Variants in LPAR1 observed in about 807,000 individuals in gnomAD.
LPAR1 encodes LPA receptor 1.
Under a neutral mutation model 23.8 loss-of-function variants are expected in LPAR1, and 5 were observed. The ratio of observed to expected loss-of-function variants is 0.21; its 90% CI spans 0.11 to 0.44. The LOEUF (loss-of-function observed/expected upper bound fraction) is 0.44. Among genes scored for constraint, LPAR1 ranks in the 20% least tolerant of loss-of-function variants. LPAR1 has a pLI of 0.99. For synonymous variants in LPAR1, 160 were observed against 164.7 expected (o/e 0.97, Z 0.22); for missense variants, 311 against 482.8 (o/e 0.64, Z 3.33).
intron 2 of LPAR1, among the ~76,000 whole-genome samples, chr9:111,024,804 G>A (rs1006423635): frequency 4.0e-5 from 6 of 151,754 alleles, no homozygotes; most frequent in African/African-American, 1.5e-4. Context: ...TGCAGTGTTA[G>A]GTTTTCTGTT....
chr9:111,006,848 A>T (rs2097226947), intron 2 of LPAR1, among the ~76,000 whole-genome samples: 1 of 152,094 alleles, frequency 6.6e-6, no homozygotes, highest in African/African-American at 2.4e-5. Flanking sequence ...AATAGTTTGG[A>T]TATTTGTCTC....
At chr9:110,966,794 G>A (rs939831104) in intron 4 of LPAR1, among the ~76,000 whole-genome samples, 2 of 152,032 alleles carry the variant, frequency 1.3e-5, no homozygotes, top group African/African-American at 4.8e-5. Flanking sequence ...TACCTATTCT[G>A]GCCTCTAATA....
chr9:111,011,736 A>G (rs557434443), intron 2 of LPAR1, among the ~76,000 whole-genome samples: 1 of 152,208 alleles, frequency 6.6e-6, no homozygotes, highest in Non-Finnish European at 1.5e-5. Flanking sequence ...TGACCAGTCC[A>G]GAATATGATG....
chr9:111,030,424 A>C (rs1024765613), intron 2 of LPAR1, among the ~76,000 whole-genome samples: 3 of 152,196 alleles, frequency 2.0e-5, no homozygotes, highest in Non-Finnish European at 4.4e-5. Flanking sequence ...CATCCTTATC[A>C]TCTGCTGATT....
intron 5 of LPAR1, among the ~76,000 whole-genome samples, chr9:110,929,787 T>C (rs2094284025): frequency 1.3e-5 from 2 of 151,894 alleles, no homozygotes; most frequent in African/African-American, 4.8e-5. Flanking sequence ...TAAATTTTAA[T>C]TTCAAATAAA....
chr9:111,037,461 A>G (rs886490180), intron 1 of LPAR1, among the ~76,000 whole-genome samples: 2 of 152,228 alleles, frequency 1.3e-5, no homozygotes, highest in Non-Finnish European at 2.9e-5. Context: ...AAAAACAAGA[A>G]TAAACTTTAA....
intron 2 of LPAR1, among the ~76,000 whole-genome samples, chr9:111,025,370 T>C (rs559782547): frequency 1.2e-4 from 19 of 152,358 alleles, no homozygotes; most frequent in African/African-American, 4.6e-4. Context: ...TCTGTTCATA[T>C]CCTTCGCCCA....
intron 2 of LPAR1, among the ~76,000 whole-genome samples, chr9:110,989,720 T>C (rs2096860143): frequency 6.6e-6 from 1 of 152,024 alleles, no homozygotes; most frequent in Admixed American, 6.5e-5. Flanking sequence ...AGATGATAGA[T>C]TTAAACATAA....
At chr9:110,970,587 G>A (rs776597432) in intron 4 of LPAR1, among the ~76,000 whole-genome samples, 12 of 151,878 alleles carry the variant, frequency 7.9e-5, no homozygotes, top group Non-Finnish European at 1.5e-4. Flanking sequence ...TCCCAAGGTT[G>A]ATAACAATGA....
intron 5 of LPAR1, among the ~76,000 whole-genome samples, chr9:110,935,001 G>A (rs555003708): frequency 6.6e-5 from 10 of 152,272 alleles, no homozygotes; most frequent in South Asian, 2.1e-4. Flanking sequence ...ATGTACAAGC[G>A]ATTCAGTTTC....
At chr9:111,012,033 T>C (rs1327613320) in intron 2 of LPAR1, among the ~76,000 whole-genome samples, 1 of 152,176 alleles carries the variant, frequency 6.6e-6, no homozygotes, top group African/African-American at 2.4e-5. Flanking sequence ...AAAGATCACT[T>C]GAGCCCAGGT....
intron 5 of LPAR1, among the ~76,000 whole-genome samples, chr9:110,901,482 G>A (rs1408126626): frequency 1.3e-5 from 2 of 152,166 alleles, no homozygotes; most frequent in Admixed American, 6.5e-5. Flanking sequence ...TAGTTAGGGA[G>A]GCCTCACAAC....
At chr9:111,005,643 C>A (rs962211933) in intron 2 of LPAR1, among the ~76,000 whole-genome samples, 9 of 151,580 alleles carry the variant, frequency 5.9e-5, no homozygotes, top group Admixed American at 1.3e-4. Context: ...CTCCCCTGAT[C>A]CAGCCTCTGC....
At chr9:110,998,132 A>G (rs2097055195) in intron 2 of LPAR1, among the ~76,000 whole-genome samples, 1 of 152,194 alleles carries the variant, frequency 6.6e-6, no homozygotes, top group Admixed American at 6.5e-5. Context: ...ATGGGGCCAC[A>G]CTTTAAGAAC....
At chr9:110,958,250 A>G (rs1312597640) in intron 4 of LPAR1, among the ~76,000 whole-genome samples, 2 of 152,196 alleles carry the variant, frequency 1.3e-5, no homozygotes, top group Non-Finnish European at 2.9e-5. Context: ...TACAGAACCA[A>G]AAACAAGCCT....
At chr9:110,902,126 CA>C (rs2089366294) in intron 5 of LPAR1, among the ~76,000 whole-genome samples, 1 of 151,974 alleles carries the variant, frequency 6.6e-6, no homozygotes, top group Non-Finnish European at 1.5e-5. Flanking sequence ...GAAGGTCACC[CA>C]AGCCCAGTGT....
chr9:110,970,432 T>C (rs1399941187), intron 4 of LPAR1, among the ~76,000 whole-genome samples: 1 of 152,162 alleles, frequency 6.6e-6, no homozygotes, highest in East Asian at 1.9e-4. Flanking sequence ...AATGAAGTGT[T>C]GAAAGGACAA....
At chr9:110,880,248 G>A (rs146624388) in intron 5 of LPAR1, among the ~76,000 whole-genome samples, 1 of 152,164 alleles carries the variant, frequency 6.6e-6, no homozygotes, top group Non-Finnish European at 1.5e-5. Flanking sequence ...TGCCCACAAA[G>A]ATGGAGGGAG....
chr9:110,991,284 G>C (rs921235318), intron 2 of LPAR1, among the ~76,000 whole-genome samples: 1 of 152,162 alleles, frequency 6.6e-6, no homozygotes, highest in Non-Finnish European at 1.5e-5. Flanking sequence ...CTGTGACAAC[G>C]TGTAGCTCTC....
Sources: allele counts gnomAD v4.1 joint callset (sites outside exome capture counted in the v4.1 genomes callset), GRCh38; gene constraint gnomAD v4.1.1; transcripts MANE v1.5; gene names NCBI Gene and HGNC (gene_info 2026-07-23, HGNC 2026-07-21).